ENPP1: variants seen among roughly 807,000 people sequenced by gnomAD.
ENPP1 encodes the protein ectonucleotide pyrophosphatase/phosphodiesterase 1.
ENPP1 carries 73 observed loss-of-function variants against 122.8 expected under a neutral mutation model. That is an observed-to-expected ratio of 0.59 (90% confidence interval 0.49 to 0.72). ENPP1 has a LOEUF of 0.72. Ranked by LOEUF, ENPP1 falls within the 30% of genes least tolerant of loss-of-function variation. ENPP1 has a pLI of 0.00. For missense variants in ENPP1, 978 were observed against 1,128.1 expected (o/e 0.87, Z 1.91); for synonymous variants, 367 against 391.6 (o/e 0.94, Z 0.74).
In ENPP1 at chr6:131,886,926, CT is replaced by C. The variant is rs60409660; in HGVS notation, c.2607+222del. Reference sequence around the variant, plus strand: ...TACCCTTGTCTGCTTTTACTTTTTTCTTTTTTTTTTTTTTTTTTTTAGAGAT... The same window carrying C: ...TACCCTTGTCTGCTTTTACTTTTTTCTTTTTTTTTTTTTTTTTTTAGAGAT... On this transcript the variant is annotated intron_variant, in intron 24 of 24. Coordinates refer to ENST00000647893, the MANE Select transcript of ENPP1 (RefSeq NM_006208.3). Among the ~76,000 whole-genome samples the C allele has an allele frequency of 0.8, 88,250 of 110,542 alleles. 36,641 individuals are homozygous for C. Among genetic ancestry groups the C allele is most frequent in the East Asian group, 0.98 (3,640 of 3,726 alleles). 72.5% of individuals were successfully genotyped at this position (110,542 alleles called of 152,430 possible). A position where few individuals can be genotyped will look rare whatever the true frequency, so the allele number is the denominator to read the frequency against.
Position 131,847,988 on chromosome 6 carries a change from G to T in ENPP1, c.313+140G>T. The T allele has an allele frequency of 3.1e-6, 2 of 642,316 alleles. 1 individual carries two copies. Among genetic ancestry groups the T allele is most frequent in the Non-Finnish European group, 5.3e-6 (2 of 379,134 alleles). 39.8% of individuals were successfully genotyped at this position (642,316 alleles called of 1,614,324 possible). A position where few individuals can be genotyped will look rare whatever the true frequency, so the allele number is the denominator to read the frequency against. On this transcript the variant is annotated intron_variant, in intron 2 of 24. Coordinates refer to ENST00000647893, the MANE Select transcript of ENPP1 (RefSeq NM_006208.3). ...CATAGATATTGTCAATTCAACGCTG[G>T]CTTGAGCCTTTTTCCTGAAGTTCTT...
intron 5 of ENPP1, among the ~76,000 whole-genome samples, chr6:131,852,864 AT>A (rs996747587): frequency 8.6e-5 from 13 of 151,750 alleles, no homozygotes; most frequent in Admixed American, 8.5e-4. Context: ...GAGATGATAC[AT>A]TTTTTTAAAA....
At chr6:131,825,832 CTAATTA>C (rs1221310336) in intron 1 of ENPP1, 2 of 202,940 alleles carry the variant, frequency 9.9e-6, no homozygotes, top group African/African-American at 4.6e-5. Flanking sequence ...TGTTCCCTTT[CTAATTA>C]TAAGCTCATA....
At chr6:131,854,696 T>C (rs1281049227) in intron 5 of ENPP1, among the ~76,000 whole-genome samples, 2 of 152,152 alleles carry the variant, frequency 1.3e-5, no homozygotes, top group East Asian at 3.9e-4. Context: ...ATATATACTA[T>C]GTGATGATAT....
chr6:131,877,878 T>A (rs1430038048), intron 18 of ENPP1: 73 of 114,152 alleles, frequency 6.4e-4, no homozygotes, highest in South Asian at 2.7e-3. Flanking sequence ...TATATATATA[T>A]ATATATATAT....
intron 7 of ENPP1, 141 bp from the exon 8 acceptor site, chr6:131,860,246 A>AT (rs898850680): frequency 3.8e-5 from 25 of 661,758 alleles, no homozygotes; most frequent in South Asian, 3.6e-4. Context: ...CCATTACCTG[A>AT]TTTTTTTGTT....
chr6:131,826,123 C>G (rs1306532019), intron 1 of ENPP1: 1 of 825,592 alleles, frequency 1.2e-6, no homozygotes, highest in East Asian at 2.4e-5. Context: ...CAGGTAATTT[C>G]CAATGAACTC....
chr6:131,872,824 G>T, intron 14 of ENPP1, 99 bp from the exon 15 acceptor site: 3 of 1,206,204 alleles, frequency 2.5e-6, no homozygotes, highest in Non-Finnish European at 3.6e-6. Context: ...TAGATATTAG[G>T]GAAATATCTT....
At chr6:131,880,635 A>G (rs146204147) in intron 20 of ENPP1, among the ~76,000 whole-genome samples, 44 of 152,136 alleles carry the variant, frequency 2.9e-4, no homozygotes, top group Non-Finnish European at 5.6e-4. Context: ...TTAATATTTT[A>G]TGATTCCAAT....
chr6:131,882,288 A>G (rs550314061), intron 20 of ENPP1, 57 bp from the exon 21 acceptor site: 28 of 1,490,942 alleles, frequency 1.9e-5, no homozygotes, highest in Non-Finnish European at 2.6e-5. Context: ...ATATTAATAA[A>G]GCAATTTTCT....
In ENPP1 at chr6:131,890,594, G is replaced by A; in HGVS notation, c.*83G>A. On this transcript the variant is annotated 3_prime_UTR_variant, in exon 25 of 25. Transcript: ENST00000647893. ...AGTCCTCTAGCTACACTATTGCATT[G>A]TTCAGAAACTGTCGACCAGAGTTAG... The A allele has an allele frequency of 8.0e-7, 1 of 1,243,820 alleles. No homozygotes were observed. The highest frequency in any genetic ancestry group is 1.2e-6 in the Non-Finnish European group (1 of 847,864). The allele number at this position is 1,243,820 out of a possible 1,614,324, so 77.0% of individuals were successfully genotyped here.
At chr6:131,808,735 A>G (rs1425747580) in intron 1 of ENPP1, among the ~76,000 whole-genome samples, 1 of 152,178 alleles carries the variant, frequency 6.6e-6, no homozygotes, top group Non-Finnish European at 1.5e-5. Flanking sequence ...TTTAAGTTTT[A>G]TTAGGAACTC....
chr6:131,827,463 G>A, intron 1 of ENPP1: 1 of 651,340 alleles, frequency 1.5e-6, no homozygotes, highest in South Asian at 1.7e-5. Flanking sequence ...ATCCAAAATG[G>A]TATAAAATGA....
chr6:131,838,263 C>T (rs551822950), intron 1 of ENPP1, among the ~76,000 whole-genome samples: 24 of 152,158 alleles, frequency 1.6e-4, no homozygotes, highest in African/African-American at 5.1e-4. Flanking sequence ...GTAATGATAT[C>T]ATCACTGTGC....
Position 131,890,744 on chromosome 6 carries a change from C to A in ENPP1, c.*233C>A. On this transcript the variant is annotated 3_prime_UTR_variant, in exon 25 of 25. Transcript: ENST00000647893. Reference sequence around the variant, plus strand: ...AAGCATTGTATACATTGATCAAGTTCGGGGGAATAAAGACAGACCACACCT... The same window carrying A: ...AAGCATTGTATACATTGATCAAGTTAGGGGGAATAAAGACAGACCACACCT... 1.9e-6 allele frequency: 1 copy of A among 538,248 alleles called. No homozygotes were observed. Among genetic ancestry groups the A allele is most frequent in the Non-Finnish European group, 3.3e-6 (1 of 300,736 alleles). 33.3% of individuals were successfully genotyped at this position (538,248 alleles called of 1,614,324 possible).
chr6:131,858,578 G>T, intron 6 of ENPP1, 90 bp from the exon 7 acceptor site: 1 of 800,618 alleles, frequency 1.2e-6, no homozygotes, highest in Non-Finnish European at 2.1e-6. Flanking sequence ...TTTTTTTTAC[G>T]TGATTTAGAC....
chr6:131,819,939 C>CTTTTT, intron 1 of ENPP1: 7 of 440,870 alleles, frequency 1.6e-5, no homozygotes, highest in Non-Finnish European at 2.1e-5. Context: ...TCCATAGCTT[C>CTTTTT]TTTTTTTTTT....
chr6:131,865,059 A>G lies in ENPP1; in HGVS notation c.1164+121A>G. The G allele has an allele frequency of 9.6e-6, 7 of 730,308 alleles. No individual in the cohort carries two copies. In the South Asian group the frequency reaches 1.0e-4, roughly 11 times the overall value. The allele number at this position is 730,308 out of a possible 1,614,324, so 45.2% of individuals were successfully genotyped here. Reference sequence around the variant, plus strand: ...ATCATTTCTGGAAAAAGCAAGTATTATACACAATATTACTAAATATAAGGA... The same window carrying G: ...ATCATTTCTGGAAAAAGCAAGTATTGTACACAATATTACTAAATATAAGGA... On this transcript the variant is annotated intron_variant, in intron 11 of 24. Transcript: ENST00000647893.
intron 24 of ENPP1, 76 bp downstream of exon 24, chr6:131,886,800 A>G (rs1359449517): frequency 7.8e-7 from 1 of 1,285,786 alleles, no homozygotes; most frequent in East Asian, 2.4e-5. Context: ...CACCCATCTG[A>G]CATTACAGTG....
Sources: gnomAD v4.1 joint callset for allele counts (sites outside exome capture counted in the v4.1 genomes callset) on GRCh38, gnomAD v4.1.1 for gene constraint, MANE v1.5 for transcripts, NCBI Gene and HGNC (gene_info 2026-07-23, HGNC 2026-07-21) for gene names.